Variants in ROBO1 observed in about 807,000 individuals in gnomAD.
The protein encoded by ROBO1 is roundabout homolog 1.
In ROBO1, 149 loss-of-function variants were observed where a neutral mutation model predicts 195.9. That is an observed-to-expected ratio of 0.76 (90% confidence interval 0.67 to 0.87). ROBO1 has a LOEUF of 0.87. ROBO1 is among the 40% of genes least tolerant of loss of function. The probability of loss-of-function intolerance (pLI) is 0.00; values close to 1 mark genes in which losing one functional copy is unlikely to be tolerated. For synonymous variants in ROBO1, 816 were observed against 733.2 expected, an observed-to-expected ratio of 1.11 and a Z score of -1.82; for missense variants, 1,933 against 2,068.3, an observed-to-expected ratio of 0.93 and a Z score of 1.27.
At chr3:79,178,803 A>G (rs1426870154) in intron 2 of ROBO1, among the ~76,000 whole-genome samples, 1 of 152,248 alleles carries the variant, frequency 6.6e-6, no homozygotes, top group Non-Finnish European at 1.5e-5. Flanking sequence ...CATGAATATT[A>G]AAAATATCAA....
Position 79,194,211 on chromosome 3 carries a change from A to G in ROBO1, c.89-68672T>C, listed in dbSNP as rs547517933. Among the ~76,000 whole-genome samples the G allele has an allele frequency of 1.3e-3, 197 of 151,830 alleles. 1 individual carries two copies. The highest frequency in any genetic ancestry group is 2.8e-3 in the Non-Finnish European group (189 of 67,766). ...ATTTATAGCCTATCAATGTTTTACA[A>G]TAATGGTAAAGCGCTTTGTTTTTCC... On this transcript the variant is annotated intron_variant, in intron 2 of 30. Transcript: ENST00000464233.
At chr3:79,254,312 G>C (rs1024711240) in intron 2 of ROBO1, among the ~76,000 whole-genome samples, 1 of 151,802 alleles carries the variant, frequency 6.6e-6, no homozygotes, top group Admixed American at 6.6e-5. Flanking sequence ...AGGAACTTAC[G>C]TGTCTCTTTG....
chr3:78,717,487 A>G, intron 6 of ROBO1, 74 bp from the exon 7 acceptor site: 11 of 1,298,196 alleles, frequency 8.5e-6, no homozygotes, highest in Non-Finnish European at 1.2e-5. Context: ...GGAGTTCAGT[A>G]AGAGCATATT....
At chr3:79,227,964 C>G (rs890293910) in intron 2 of ROBO1, among the ~76,000 whole-genome samples, 3 of 152,010 alleles carry the variant, frequency 2.0e-5, no homozygotes, top group Admixed American at 2.0e-4. Context: ...ACAGATTGTT[C>G]TATTTTTCTT....
intron 4 of ROBO1, among the ~76,000 whole-genome samples, chr3:78,850,608 G>T (rs1371052058): frequency 6.6e-6 from 1 of 152,032 alleles, no homozygotes; most frequent in Non-Finnish European, 1.5e-5. Flanking sequence ...AAATCCCATA[G>T]AAACTGTTAC....
At chr3:79,546,088 TA>T (rs1268305456) in intron 2 of ROBO1, among the ~76,000 whole-genome samples, 1 of 152,032 alleles carries the variant, frequency 6.6e-6, no homozygotes, top group Non-Finnish European at 1.5e-5. Context: ...GTATAGTAAA[TA>T]TTTTTCTTAT....
chr3:79,198,304 C>T (rs1559729362), intron 2 of ROBO1, among the ~76,000 whole-genome samples: 1 of 152,046 alleles, frequency 6.6e-6, no homozygotes, highest in African/African-American at 2.4e-5. Flanking sequence ...AATCCTTTCT[C>T]CATTTTTTGT....
intron 2 of ROBO1, among the ~76,000 whole-genome samples, chr3:79,353,380 T>G (rs1312426844): frequency 7.1e-6 from 1 of 141,600 alleles, no homozygotes; most frequent in South Asian, 2.3e-4. Flanking sequence ...AAAAAAAGAA[T>G]ATAGAAACAC....
chr3:79,411,509 G>T (rs2037764472), intron 2 of ROBO1, among the ~76,000 whole-genome samples: 1 of 151,978 alleles, frequency 6.6e-6, no homozygotes, highest in African/African-American at 2.4e-5. Context: ...GTATTTTCTT[G>T]TTACCCTCAG....
At chr3:79,740,255 T>A (rs1383998464) in intron 1 of ROBO1, among the ~76,000 whole-genome samples, 2 of 115,248 alleles carry the variant, frequency 1.7e-5, no homozygotes, top group Non-Finnish European at 3.8e-5. Flanking sequence ...ATATATATAC[T>A]GAACTGCATA....
At chr3:79,193,685 T>G (rs929715015) in intron 2 of ROBO1, among the ~76,000 whole-genome samples, 7 of 150,552 alleles carry the variant, frequency 4.6e-5, no homozygotes, top group Non-Finnish European at 8.9e-5. Flanking sequence ...TAGGATACAT[T>G]TCTAATCCCA....
chr3:78,798,784 A>G (rs1463895593), intron 4 of ROBO1, among the ~76,000 whole-genome samples: 3 of 152,228 alleles, frequency 2.0e-5, no homozygotes, highest in Admixed American at 6.5e-5. Flanking sequence ...CATGAAGAGT[A>G]GTTTAGTGTA....
At chr3:79,657,765 C>A (rs1946211220) in intron 1 of ROBO1, among the ~76,000 whole-genome samples, 1 of 152,004 alleles carries the variant, frequency 6.6e-6, no homozygotes, top group Non-Finnish European at 1.5e-5. Context: ...AAAAGGGGAT[C>A]ATATCTAGAT....
At chr3:79,029,599 C>T (rs563805451) in intron 3 of ROBO1, among the ~76,000 whole-genome samples, 14 of 152,232 alleles carry the variant, frequency 9.2e-5, no homozygotes, top group South Asian at 2.1e-4. Flanking sequence ...TTTCTTTAGA[C>T]GTGTATATTT....
At chr3:79,008,893 G>GTGTT (rs1400443426) in intron 3 of ROBO1, among the ~76,000 whole-genome samples, 2 of 142,042 alleles carry the variant, frequency 1.4e-5, no homozygotes, top group South Asian at 4.4e-4. Context: ...CCAGCCGTGT[G>GTGTT]TGTGTGTGTG....
intron 3 of ROBO1, among the ~76,000 whole-genome samples, chr3:79,017,883 T>C (rs1339405115): frequency 1.3e-5 from 2 of 152,124 alleles, no homozygotes; most frequent in African/African-American, 4.8e-5. Flanking sequence ...CAGAATCAAA[T>C]TTAATTACAG....
chr3:79,144,905 T>C (rs1436499347), intron 2 of ROBO1, among the ~76,000 whole-genome samples: 1 of 152,036 alleles, frequency 6.6e-6, no homozygotes, highest in South Asian at 2.1e-4. Context: ...TATTATGCAG[T>C]GCAGAATAAA....
At chr3:79,167,984 T>TATC (rs940414952) in intron 2 of ROBO1, among the ~76,000 whole-genome samples, 5 of 152,188 alleles carry the variant, frequency 3.3e-5, no homozygotes, top group African/African-American at 9.7e-5. Flanking sequence ...GACTTTTAGC[T>TATC]ATCATCATCA....
intron 3 of ROBO1, among the ~76,000 whole-genome samples, chr3:79,065,459 T>C (rs751619033): frequency 4.0e-5 from 6 of 151,816 alleles, no homozygotes; most frequent in Non-Finnish European, 8.8e-5. Flanking sequence ...AATTTCCCAA[T>C]AAAGGAAATG....
Sources: gnomAD v4.1 joint callset for allele counts (sites outside exome capture counted in the v4.1 genomes callset) on GRCh38, gnomAD v4.1.1 for gene constraint, MANE v1.5 for transcripts, NCBI Gene and HGNC (gene_info 2026-07-23, HGNC 2026-07-21) for gene names.